The following LDLRAD4 variants were observed in gnomAD, a reference collection of about 807,000 sequenced individuals.
The protein encoded by LDLRAD4 is low density lipoprotein receptor class A domain containing 4.
In LDLRAD4, 5 loss-of-function variants were observed where a neutral mutation model predicts 17.0. The ratio of observed to expected loss-of-function variants is 0.29; its 90% CI spans 0.15 to 0.62. The LOEUF (loss-of-function observed/expected upper bound fraction) is 0.62. LDLRAD4 is among the 20% of genes least tolerant of loss of function. The pLI is 0.84. For missense variants in LDLRAD4, 340 were observed against 424.7 expected, an observed-to-expected ratio of 0.80 and a Z score of 1.75; for synonymous variants, 168 against 171.8, an observed-to-expected ratio of 0.98 and a Z score of 0.17.
intron 3 of LDLRAD4, among the ~76,000 whole-genome samples, chr18:13,557,875 G>T (rs1395672246): frequency 6.6e-6 from 1 of 152,144 alleles, no homozygotes; most frequent in Non-Finnish European, 1.5e-5. Flanking sequence ...ACACCAGTAT[G>T]TCCAAATTCT....
chr18:13,620,732 G>A (rs758276223), intron 3 of LDLRAD4: 1 of 241,864 alleles, frequency 4.1e-6, no homozygotes, highest in Non-Finnish European at 8.3e-6. Flanking sequence ...GGAGGCAAGG[G>A]GCTGAAGTTG....
At chr18:13,227,930 G>A (rs894288934) in intron 1 of LDLRAD4, among the ~76,000 whole-genome samples, 29 of 152,352 alleles carry the variant, frequency 1.9e-4, no homozygotes, top group Non-Finnish European at 3.1e-4. Flanking sequence ...GAACGTATCA[G>A]CACAGTTCTG....
intron 1 of LDLRAD4, among the ~76,000 whole-genome samples, chr18:13,368,953 CT>C (rs1260997701): frequency 2.6e-5 from 4 of 152,350 alleles, no homozygotes; most frequent in South Asian, 4.1e-4. Flanking sequence ...ATTCTCCCGC[CT>C]TGGTCTCCCA....
intron 1 of LDLRAD4, among the ~76,000 whole-genome samples, chr18:13,328,792 T>G (rs2081678510): frequency 6.6e-6 from 1 of 152,254 alleles, no homozygotes; most frequent in Non-Finnish European, 1.5e-5. Flanking sequence ...CCTATGCCTA[T>G]TCTCCATCCA....
chr18:13,464,488 T>A (rs376427838), intron 3 of LDLRAD4, among the ~76,000 whole-genome samples: 1 of 152,248 alleles, frequency 6.6e-6, no homozygotes, highest in East Asian at 1.9e-4. Context: ...GTTTTTCATA[T>A]TAAATATCTG....
At chr18:13,510,595 G>T (rs1013919417) in intron 3 of LDLRAD4, among the ~76,000 whole-genome samples, 118 of 152,234 alleles carry the variant, frequency 7.8e-4, no homozygotes, top group African/African-American at 2.6e-3. Flanking sequence ...TGTGATGGGT[G>T]CACTAAAATC....
chr18:13,651,130 T>C (rs1202950093), exon 6 of LDLRAD4: 2 of 152,242 alleles, frequency 1.3e-5, no homozygotes, highest in Non-Finnish European at 2.9e-5. Flanking sequence ...TCTCCTGCTG[T>C]AGCATCACGA....
intron 4 of LDLRAD4, among the ~76,000 whole-genome samples, chr18:13,632,523 G>A (rs990980286): frequency 6.6e-6 from 1 of 152,242 alleles, no homozygotes; most frequent in Admixed American, 6.5e-5. Context: ...TGAGGGGAAT[G>A]TGATGGTACC....
intron 1 of LDLRAD4, among the ~76,000 whole-genome samples, chr18:13,356,485 A>G (rs1457292598): frequency 2.6e-5 from 4 of 152,262 alleles, no homozygotes; most frequent in African/African-American, 4.8e-5. Flanking sequence ...CTGTAGAAAG[A>G]TGAAAAAGTA....
chr18:13,294,313 CGTCA>C lies in LDLRAD4; in HGVS notation c.-383+16127_-383+16130del, dbSNP rs1359731211. Among the ~76,000 whole-genome samples the C allele has an allele frequency of 2.0e-5, 3 of 152,264 alleles. No individual in the cohort carries two copies. In the East Asian group the frequency reaches 5.8e-4, roughly 30 times the overall value. ...TGGCAGCACCTGAGGGCTGGGGGCA[CGTCA>C]GACAGACGGCCCAGCCGGTGTGCGG... is the stretch of plus-strand genomic sequence containing the variant. On this transcript the variant is annotated intron_variant, in intron 1 of 5. Transcript: ENST00000359446.
At chr18:13,570,958 A>G (rs1295535834) in intron 3 of LDLRAD4, among the ~76,000 whole-genome samples, 1 of 152,142 alleles carries the variant, frequency 6.6e-6, no homozygotes, top group Admixed American at 6.5e-5. Context: ...AGCTGGGACT[A>G]CAGGCGCATA....
At chr18:13,265,359 G>A (rs780176842) in intron 1 of LDLRAD4, among the ~76,000 whole-genome samples, 1 of 152,168 alleles carries the variant, frequency 6.6e-6, no homozygotes, top group East Asian at 1.9e-4. Flanking sequence ...TGGCCTGGAC[G>A]GGGTCTCTGT....
chr18:13,498,398 TCC>T (rs2093526154), intron 3 of LDLRAD4, among the ~76,000 whole-genome samples: 1 of 114,268 alleles, frequency 8.8e-6, no homozygotes, highest in African/African-American at 3.5e-5. Context: ...CCCACATACG[TCC>T]CCAGCCATAG....
intron 1 of LDLRAD4, among the ~76,000 whole-genome samples, chr18:13,222,230 A>T (rs559088894): frequency 1.1e-4 from 16 of 152,074 alleles, no homozygotes; most frequent in Non-Finnish European, 2.2e-4. Flanking sequence ...CATCGGAAAA[A>T]TGTCGAGCTG....
rs748058452 is a variant in LDLRAD4 at position 13,645,324 on chromosome 18, G to A, written c.588G>A (p.Gln196=). The change falls in exon 6 of 6, where the codon CAG becomes CAA. Residue 196 remains glutamine, a synonymous_variant. Transcript: ENST00000359446. The surrounding 1 kb of genome is among the most constrained non-coding windows in gnomAD (Gnocchi z 5.7). ...CCCTGCAGCTCCGGGACCCTGAACAGCAGATGGAACTCAACCGAGAGTCCG... is the reference window on the plus strand; with the variant it reads ...CCCTGCAGCTCCGGGACCCTGAACAACAGATGGAACTCAACCGAGAGTCCG... The A allele has an allele frequency of 6.2e-7, 1 of 1,614,190 alleles. No homozygotes were observed. The highest frequency in any genetic ancestry group is 1.1e-5 in the South Asian group (1 of 91,086).
intron 4 of LDLRAD4, among the ~76,000 whole-genome samples, chr18:13,639,020 C>T (rs2042303767): frequency 1.3e-5 from 2 of 152,192 alleles, no homozygotes; most frequent in African/African-American, 2.4e-5. Context: ...AAATAGCCTA[C>T]AAGACAGGGA....
At chr18:13,365,924 T>C (rs909106418) in intron 1 of LDLRAD4, among the ~76,000 whole-genome samples, 2 of 151,984 alleles carry the variant, frequency 1.3e-5, no homozygotes, top group African/African-American at 4.8e-5. Flanking sequence ...CAGGCGCCCG[T>C]CATCACACCT....
chr18:13,631,524 C>G (rs567514560), intron 4 of LDLRAD4, among the ~76,000 whole-genome samples: 1 of 152,264 alleles, frequency 6.6e-6, no homozygotes, highest in Non-Finnish European at 1.5e-5. Flanking sequence ...GATACCAAAG[C>G]CAGACAAAGA....
At chr18:13,643,259 C>G in intron 4 of LDLRAD4, 100 bp from the exon 6 acceptor site, 1 of 751,128 alleles carries the variant, frequency 1.3e-6, no homozygotes, top group Non-Finnish European at 2.1e-6. Flanking sequence ...TGCAGATCCC[C>G]GTTTCCAGAA....
Sources: allele counts gnomAD v4.1 joint callset (sites outside exome capture counted in the v4.1 genomes callset), GRCh38; gene constraint gnomAD v4.1.1; non-coding constraint Gnocchi (gnomAD v3.1); transcripts MANE v1.5; gene names NCBI Gene and HGNC (gene_info 2026-07-23, HGNC 2026-07-21).